The following CKM variants were observed in gnomAD, a reference collection of about 807,000 sequenced individuals.
CKM encodes the protein creatine kinase, M-type, also known as creatine kinase M-type.
CKM carries 28 observed loss-of-function variants against 35.4 expected under a neutral mutation model. The observed-to-expected ratio is 0.79, with a 90% confidence interval of 0.59 to 1.08. The LOEUF (loss-of-function observed/expected upper bound fraction) is 1.08. CKM is among the 50% of genes least tolerant of loss of function. The pLI is 0.00. For missense variants in CKM, 484 were observed against 509.8 expected, an observed-to-expected ratio of 0.95 and a Z score of 0.49; for synonymous variants, 215 against 204.4, an observed-to-expected ratio of 1.05 and a Z score of -0.44.
chr19:45,307,415 C>A, intron 7 of CKM, 46 bp downstream of exon 7: 2 of 1,581,426 alleles, frequency 1.3e-6, no homozygotes. Context: ...CTGCAAAGGG[C>A]CCTCGCTCCC....
intron 3 of CKM, among the ~76,000 whole-genome samples, chr19:45,315,943 A>C (rs1273609719): frequency 6.6e-6 from 1 of 151,406 alleles, no homozygotes; most frequent in Non-Finnish European, 1.5e-5. Context: ...TCCTGGGCTC[A>C]AGCAATTCCC....
At chr19:45,319,179 C>G (rs911793201) in intron 2 of CKM, among the ~76,000 whole-genome samples, 4 of 152,144 alleles carry the variant, frequency 2.6e-5, no homozygotes, top group Non-Finnish European at 5.9e-5. Context: ...CTTGAGCACT[C>G]ACTTGGTGCC....
At chr19:45,313,517 A>G (rs1362485218) in intron 4 of CKM, among the ~76,000 whole-genome samples, 2 of 152,170 alleles carry the variant, frequency 1.3e-5, no homozygotes, top group Non-Finnish European at 2.9e-5. Context: ...GAGGTGTTCA[A>G]GTGAAAGGAA....
rs1971194084 is a variant in CKM, at chr19:45,319,669, C to T, written c.45G>A (p.Lys15=). 1.2e-6 allele frequency: 2 copies of T among 1,614,210 alleles called. No homozygotes were observed. Among genetic ancestry groups the T allele is most frequent in the Admixed American group, 1.7e-5 (1 of 60,022 alleles). ...TGAGGTCGGGGTACTCCTCCTCAGG[C>T]TTGTAATTCAGCTTGAACTTGTTGT... ...NTHNKFKLNY[K]PEEEYPDLSK... The change falls in exon 2 of 8, where the codon AAG becomes AAA. Residue 15 remains lysine (K), a synonymous_variant. Transcript: ENST00000221476.
rs750327236 is a variant in CKM at position 45,307,571 on chromosome 19, T to A, written c.857A>T (p.Asn286Ile). 1.2e-6 allele frequency: 2 copies of A among 1,613,976 alleles called. No individual in the cohort carries two copies. The highest frequency in any genetic ancestry group is 1.7e-6 in the Non-Finnish European group (2 of 1,179,942). The change falls in exon 7 of 8, where the codon AAC (asparagine) becomes ATC (isoleucine). Residue 286 changes from asparagine (N) to isoleucine (I), a missense_variant. Asn to Ile is a moderately radical substitution (Grantham distance 149). Coordinates refer to ENST00000221476, the MANE Select transcript of CKM (RefSeq NM_001824.5). ...GCCTCCACGCAGCCCAGTGCCCAGGTTGGATGGGCAGGTGAGCACGTAGCC... is the reference window on the plus strand; with the variant it reads ...GCCTCCACGCAGCCCAGTGCCCAGGATGGATGGGCAGGTGAGCACGTAGCC... ...HLGYVLTCPS[N>I]LGTGLRGGVH...
intron 5 of CKM, 104 bp downstream of exon 5, chr19:45,311,645 A>C: frequency 2.1e-6 from 2 of 940,024 alleles, no homozygotes; most frequent in Non-Finnish European, 3.2e-6. Context: ...AGAAGATCAT[A>C]ATTACGTATA....
At chr19:45,307,425 C>G (rs1049021634) in intron 7 of CKM, 36 bp downstream of exon 7, 2 of 1,604,308 alleles carry the variant, frequency 1.2e-6, no homozygotes, top group Admixed American at 1.7e-5. Context: ...CCCTCGCTCC[C>G]CCTCCGTCGT....
chr19:45,320,488 C>G (rs1451695025), intron 1 of CKM, among the ~76,000 whole-genome samples: 2 of 152,252 alleles, frequency 1.3e-5, no homozygotes, highest in African/African-American at 4.8e-5. Flanking sequence ...AATCCTCTCT[C>G]TGAGCCCCTG....
At chr19:45,316,107 A>G (rs551998026) in intron 3 of CKM, among the ~76,000 whole-genome samples, 129 of 152,168 alleles carry the variant, frequency 8.5e-4, no homozygotes, top group Non-Finnish European at 1.4e-3. Context: ...AGGTGAGCCA[A>G]TCACCTGAGG....
chr19:45,308,289 G>T (rs1007715858), intron 6 of CKM, 120 bp downstream of exon 6: 2 of 1,279,734 alleles, frequency 1.6e-6, no homozygotes, highest in Non-Finnish European at 2.2e-6. Flanking sequence ...AGGTCCGGGG[G>T]GCAGGGCCCT....
intron 3 of CKM, among the ~76,000 whole-genome samples, 163 bp downstream of exon 3, chr19:45,317,662 T>TA (rs1971171602): frequency 6.6e-6 from 1 of 151,702 alleles, no homozygotes; most frequent in Admixed American, 6.6e-5. Context: ...CCTCAAGTGA[T>TA]ACGCTCGCCT....
intron 6 of CKM, among the ~76,000 whole-genome samples, 170 bp downstream of exon 6, chr19:45,308,239 G>A (rs1971073279): frequency 6.7e-6 from 1 of 149,164 alleles, no homozygotes; most frequent in Non-Finnish European, 1.5e-5. Context: ...AAGCGGGTGG[G>A]GCTAGTTTTG....
At chr19:45,318,708 A>G (rs1971182986) in intron 2 of CKM, among the ~76,000 whole-genome samples, 1 of 152,086 alleles carries the variant, frequency 6.6e-6, no homozygotes, top group Admixed American at 6.6e-5. Context: ...TTCCCAGTGG[A>G]AAAACAGGGG....
At chr19:45,319,409 C>T (rs1568512818) in intron 2 of CKM, 112 bp downstream of exon 2, 4 of 800,326 alleles carry the variant, frequency 5.0e-6, no homozygotes, top group Non-Finnish European at 8.5e-6. Flanking sequence ...CCCCATTTTA[C>T]AGATGAGAAA....
At chr19:45,308,348 G>T in intron 6 of CKM, 61 bp downstream of exon 6, 1 of 1,608,704 alleles carries the variant, frequency 6.2e-7, no homozygotes, top group South Asian at 1.1e-5. Context: ...GCGGGGCCTC[G>T]GAAAGCAGGT....
chr19:45,319,468 C>A, intron 2 of CKM, 53 bp downstream of exon 2: 1 of 1,475,406 alleles, frequency 6.8e-7, no homozygotes, highest in Non-Finnish European at 9.4e-7. Flanking sequence ...GCATGGCCGG[C>A]AGCCTCCAGA....
In CKM at chr19:45,306,930, T is replaced by G. The variant is rs1599813115; in HGVS notation, c.968-2A>C. 1 of 1,613,460 alleles carries G rather than the reference T, an allele frequency of 6.2e-7. No homozygotes were observed. Among genetic ancestry groups the G allele is most frequent in the East Asian group, 2.2e-5 (1 of 44,868 alleles). On this transcript the variant is annotated splice_acceptor_variant, in intron 7 of 7. Transcript: ENST00000221476. LOFTEE classifies it high-confidence loss of function. The surrounding 1 kb of genome is among the most constrained non-coding windows in gnomAD (Gnocchi z 4.5). The stretch of plus-strand genomic sequence containing the variant: ...CCACGGCAGCTGTGTCCACGCCACC[T>G]GTGGGAGCAAGGGACAGGGGCGTGA...
intron 1 of CKM, among the ~76,000 whole-genome samples, chr19:45,320,895 A>ATTATTC (rs771681616): frequency 6.6e-6 from 1 of 151,078 alleles, no homozygotes; most frequent in South Asian, 2.1e-4. Flanking sequence ...AGCTGCTATT[A>ATTATTC]TTATTATTAT....
chr19:45,315,695 T>G, intron 3 of CKM, 98 bp from the exon 4 acceptor site: 1 of 1,494,168 alleles, frequency 6.7e-7, no homozygotes, highest in Non-Finnish European at 9.0e-7. Flanking sequence ...CCCTGTTGCT[T>G]CCTTTGCCTT....
Sources: allele counts gnomAD v4.1 joint callset (sites outside exome capture counted in the v4.1 genomes callset), GRCh38; gene constraint gnomAD v4.1.1; non-coding constraint Gnocchi (gnomAD v3.1); transcripts MANE v1.5; gene names NCBI Gene and HGNC (gene_info 2026-07-23, HGNC 2026-07-21).